Variants in DST observed in about 807,000 individuals in gnomAD.
DST encodes the protein bullous pemphigoid antigen.
In DST, 253 loss-of-function variants were observed where a neutral mutation model predicts 875.2. That is an observed-to-expected ratio of 0.29 (90% CI 0.26 to 0.32). The LOEUF (loss-of-function observed/expected upper bound fraction) is 0.32. Ranked by LOEUF, DST falls within the 10% of genes least tolerant of loss-of-function variation. The pLI, the probability that DST is intolerant of heterozygous loss-of-function variation, is 1.00. For synonymous variants in DST, 3,124 were observed against 3,197.1 expected (o/e 0.98, Z 0.77); for missense variants, 8,287 against 9,111.6 (o/e 0.91, Z 3.68).
chr6:56,816,271 T>G (rs2099766371), intron 4 of DST, among the ~76,000 whole-genome samples: 1 of 152,210 alleles, frequency 6.6e-6, no homozygotes, highest in African/African-American at 2.4e-5. Context: ...TTTAATCAGC[T>G]GATGAAAATT....
chr6:56,868,668 A>G (rs974168158), intron 3 of DST, among the ~76,000 whole-genome samples: 1 of 152,214 alleles, frequency 6.6e-6, no homozygotes, highest in African/African-American at 2.4e-5. Flanking sequence ...AATAAAATAA[A>G]ATAATTTGAC....
At chr6:56,872,801 G>T in intron 3 of DST, among the ~76,000 whole-genome samples, 1 of 146,662 alleles carries the variant, frequency 6.8e-6, no homozygotes, top group African/African-American at 2.5e-5. Context: ...TGGAAGTGCA[G>T]AATCTCTTCA....
chr6:56,856,547 A>G (rs1767950980), intron 3 of DST, among the ~76,000 whole-genome samples: 1 of 152,230 alleles, frequency 6.6e-6, no homozygotes, highest in Non-Finnish European at 1.5e-5. Context: ...GCATTCTACA[A>G]GACAATTGTC....
At chr6:56,592,116 A>C in intron 49 of DST, 66 bp downstream of exon 49, 1 of 1,429,890 alleles carries the variant, frequency 7.0e-7, no homozygotes, top group Non-Finnish European at 9.7e-7. Context: ...CTATCACAAA[A>C]GTGTGAGAAA....
intron 3 of DST, among the ~76,000 whole-genome samples, chr6:56,878,698 C>G (rs1032296868): frequency 1.3e-5 from 2 of 152,084 alleles, no homozygotes; most frequent in African/African-American, 4.8e-5. Context: ...GGCCCTTGTC[C>G]CCTAATCCCC....
At chr6:56,651,424 C>T (rs141511746) in intron 10 of DST, among the ~76,000 whole-genome samples, 180 bp from the exon 11 acceptor site, 1 of 152,094 alleles carries the variant, frequency 6.6e-6, no homozygotes, top group Non-Finnish European at 1.5e-5. Flanking sequence ...ACTTCTGTAT[C>T]GAAAGCAAAT....
At chr6:56,658,572 C>T (rs995997405) in intron 10 of DST, among the ~76,000 whole-genome samples, 1 of 152,058 alleles carries the variant, frequency 6.6e-6, no homozygotes, top group African/African-American at 2.4e-5. Context: ...GGGCAATGTG[C>T]GCAGGTTACC....
chr6:56,511,084 G>A (rs2096465987), intron 73 of DST, 113 bp downstream of exon 73: 3 of 911,344 alleles, frequency 3.3e-6, no homozygotes, highest in Non-Finnish European at 3.3e-6. Flanking sequence ...ATACTCAAGA[G>A]TGAATGTGGT....
chr6:56,783,534 C>A (rs548719455), intron 4 of DST, among the ~76,000 whole-genome samples: 1 of 152,294 alleles, frequency 6.6e-6, no homozygotes, highest in East Asian at 1.9e-4. Flanking sequence ...TTACCAGAGA[C>A]TAGGATTGCA....
At chr6:56,661,649 C>CAGTGG (rs2099042966) in intron 10 of DST, among the ~76,000 whole-genome samples, 1 of 151,704 alleles carries the variant, frequency 6.6e-6, no homozygotes, top group Non-Finnish European at 1.5e-5. Flanking sequence ...TGCAATGGTG[C>CAGTGG]CATCTCAGCT....
intron 2 of DST, among the ~76,000 whole-genome samples, chr6:56,920,727 C>CT (rs1201574608): frequency 0.13 from 16,585 of 124,182 alleles, 1,598 homozygotes; most frequent in Middle Eastern, 0.22. Flanking sequence ...TTCTTTCTTC[C>CT]TTTTTTTTTT....
intron 4 of DST, among the ~76,000 whole-genome samples, chr6:56,784,748 C>G (rs1290358846): frequency 2.0e-5 from 3 of 152,232 alleles, no homozygotes; most frequent in Admixed American, 6.5e-5. Context: ...CTCCATCCAG[C>G]TTTGTTCCGT....
chr6:56,694,794 G>A (rs542092451), intron 9 of DST, among the ~76,000 whole-genome samples: 1 of 152,020 alleles, frequency 6.6e-6, no homozygotes, highest in East Asian at 1.9e-4. Context: ...AACGGCTTTC[G>A]GCCATCCCCA....
At chr6:56,743,391 T>G (rs1343650550) in intron 4 of DST, among the ~76,000 whole-genome samples, 1 of 152,226 alleles carries the variant, frequency 6.6e-6, no homozygotes, top group Non-Finnish European at 1.5e-5. Flanking sequence ...TATATGATTT[T>G]CTAACCCTAT....
chr6:56,780,715 A>C (rs1238190340), intron 4 of DST, among the ~76,000 whole-genome samples: 1 of 150,468 alleles, frequency 6.6e-6, no homozygotes, highest in African/African-American at 2.4e-5. Context: ...TGCTGTGCAG[A>C]AGCTCTTTAG....
intron 3 of DST, among the ~76,000 whole-genome samples, chr6:56,868,321 A>G (rs1321684542): frequency 6.6e-6 from 1 of 152,186 alleles, no homozygotes; most frequent in Non-Finnish European, 1.5e-5. Context: ...CCTTAAAACA[A>G]CAACTCAGGC....
intron 69 of DST, among the ~76,000 whole-genome samples, chr6:56,520,777 G>A (rs112707174): frequency 9.7e-4 from 148 of 151,992 alleles, no homozygotes; most frequent in African/African-American, 3.4e-3. Flanking sequence ...TGTGGGTAAC[G>A]TCTCACCTAT....
chr6:56,934,590 C>A (rs1901381), intron 2 of DST, among the ~76,000 whole-genome samples: 18,124 of 91,780 alleles, frequency 0.2, 1,768 homozygotes, highest in Middle Eastern at 0.27. Flanking sequence ...ATATATATAT[C>A]GTGAGAGAGA....
intron 29 of DST, among the ~76,000 whole-genome samples, 156 bp downstream of exon 29, chr6:56,631,727 T>C (rs1366393207): frequency 2.0e-5 from 3 of 152,210 alleles, no homozygotes; most frequent in African/African-American, 4.8e-5. Flanking sequence ...GACTGAATCC[T>C]AGTTTATAAT....
Sources: gnomAD v4.1 joint callset for allele counts (sites outside exome capture counted in the v4.1 genomes callset) on GRCh38, gnomAD v4.1.1 for gene constraint, MANE v1.5 for transcripts, NCBI Gene and HGNC (gene_info 2026-07-23, HGNC 2026-07-21) for gene names.